The following ADAMTSL1 variants were observed in gnomAD, a reference collection of about 807,000 sequenced individuals.
The protein encoded by ADAMTSL1 is ADAMTS-like protein 1.
Under a neutral mutation model 201.8 loss-of-function variants are expected in ADAMTSL1, and 126 were observed. The observed-to-expected ratio is 0.62, with a 90% CI of 0.54 to 0.72. The LOEUF (loss-of-function observed/expected upper bound fraction) is 0.72. ADAMTSL1 is among the 30% of genes least tolerant of loss of function. ADAMTSL1 has a pLI of 0.00. For missense variants in ADAMTSL1, 2,679 were observed against 2,277.8 expected (o/e 1.18, Z -3.59); for synonymous variants, 1,121 against 903.4 (o/e 1.24, Z -4.32).
intron 7 of ADAMTSL1, among the ~76,000 whole-genome samples, chr9:18,656,345 G>A (rs1241824550): frequency 9.2e-5 from 14 of 151,908 alleles, no homozygotes; most frequent in Non-Finnish European, 1.6e-4. Flanking sequence ...AAAATGGTAA[G>A]ACTTGGCCAG....
chr9:18,353,680 C>T (rs1246734230), intron 2 of ADAMTSL1, among the ~76,000 whole-genome samples: 1 of 152,154 alleles, frequency 6.6e-6, no homozygotes, highest in Non-Finnish European at 1.5e-5. Context: ...CATAAAATTT[C>T]TATATTGCTC....
intron 3 of ADAMTSL1, among the ~76,000 whole-genome samples, chr9:18,538,810 T>C (rs544425357): frequency 7.9e-4 from 121 of 152,300 alleles, no homozygotes; most frequent in African/African-American, 2.8e-3. Context: ...CCTTTGTATA[T>C]CACAAAGTCA....
chr9:18,653,339 C>G (rs919465106), intron 7 of ADAMTSL1, among the ~76,000 whole-genome samples: 1 of 152,218 alleles, frequency 6.6e-6, no homozygotes, highest in African/African-American at 2.4e-5. Flanking sequence ...AGGCTACAGT[C>G]TGCTTTGCCA....
At chr9:18,070,208 G>C (rs1330658339) in intron 1 of ADAMTSL1, among the ~76,000 whole-genome samples, 1 of 152,208 alleles carries the variant, frequency 6.6e-6, no homozygotes, top group Non-Finnish European at 1.5e-5. Context: ...GGACTGGATA[G>C]GAGAGCACCG....
chr9:18,167,185 G>A (rs1372783174), intron 2 of ADAMTSL1, among the ~76,000 whole-genome samples: 2 of 152,068 alleles, frequency 1.3e-5, no homozygotes, highest in East Asian at 1.9e-4. Context: ...GATTTTGATT[G>A]TAAGCTGGAT....
intron 20 of ADAMTSL1, among the ~76,000 whole-genome samples, chr9:18,804,482 G>C (rs1306965336): frequency 6.6e-6 from 1 of 152,122 alleles, no homozygotes; most frequent in Non-Finnish European, 1.5e-5. Flanking sequence ...AGGAAAACTA[G>C]ACTAAGAAAA....
intron 7 of ADAMTSL1, among the ~76,000 whole-genome samples, chr9:18,652,138 G>A (rs188559883): frequency 6.6e-6 from 1 of 151,972 alleles, no homozygotes; most frequent in Non-Finnish European, 1.5e-5. Context: ...GAAAGCCTTT[G>A]TGGTGGGTGG....
At chr9:18,511,855 C>G (rs1262374651) in intron 2 of ADAMTSL1, among the ~76,000 whole-genome samples, 1 of 151,984 alleles carries the variant, frequency 6.6e-6, no homozygotes, top group East Asian at 1.9e-4. Context: ...TTGTTTTTTT[C>G]TCTAAAAGAC....
chr9:18,169,392 C>T (rs1451248334), intron 2 of ADAMTSL1, among the ~76,000 whole-genome samples: 1 of 152,008 alleles, frequency 6.6e-6, no homozygotes, highest in Non-Finnish European at 1.5e-5. Context: ...AATCCTTTCC[C>T]CATTTCTTGT....
chr9:17,921,364 T>C (rs1189516429), intron 1 of ADAMTSL1, among the ~76,000 whole-genome samples: 1 of 152,152 alleles, frequency 6.6e-6, no homozygotes. Flanking sequence ...ACAATTCTGC[T>C]AAGTCAGTTA....
intron 9 of ADAMTSL1, among the ~76,000 whole-genome samples, chr9:18,667,361 A>G (rs959647175): frequency 3.9e-5 from 6 of 152,100 alleles, no homozygotes; most frequent in Non-Finnish European, 7.4e-5. Context: ...TGTAGTAGGC[A>G]TGTAAAAATA....
Position 17,945,710 on chromosome 9 carries a change from G to A in ADAMTSL1, c.87+38788G>A, listed in dbSNP as rs371657349. Among the ~76,000 whole-genome samples the A allele has an allele frequency of 1.1e-4, 16 of 151,150 alleles. No homozygotes were observed. In the East Asian group the frequency reaches 1.6e-3, roughly 15 times the overall value. On this transcript the variant is annotated intron_variant, in intron 1 of 29. Transcript: ENST00000680146. ...AAATCATCATTCTCAGTAAACTATC[G>A]CAAGAACAAAAAACCAAACACCGCA...
In ADAMTSL1 at chr9:18,794,404, C is replaced by CAA. The variant is rs758582204; in HGVS notation, c.3678-982_3678-981dup. 3.0e-3 allele frequency among the ~76,000 whole-genome samples: 282 copies of CAA among 94,196 alleles called. No individual in the cohort carries two copies. In the Middle Eastern group the frequency reaches 0.031, roughly 10 times the overall value. The allele number at this position is 94,196 out of a possible 152,430, so 61.8% of individuals were successfully genotyped here. ...TGGGTGACAGAGCAAGACCCTGTCT[C>CAA]AAAAAAAAAAAACAAAAACAAAAAC... On this transcript the variant is annotated intron_variant, in intron 19 of 28. Coordinates refer to ENST00000380548, the MANE Select transcript of ADAMTSL1 (RefSeq NM_001040272.6).
At chr9:18,907,007 G>T in intron 28 of ADAMTSL1, 95 bp downstream of exon 28, 1 of 1,415,302 alleles carries the variant, frequency 7.1e-7, no homozygotes, top group East Asian at 2.3e-5. Flanking sequence ...ATAGGGCATG[G>T]GGTCAGCTTC....
At chr9:18,517,458 T>G (rs1393982468) in intron 2 of ADAMTSL1, among the ~76,000 whole-genome samples, 4 of 152,118 alleles carry the variant, frequency 2.6e-5, no homozygotes, top group Non-Finnish European at 5.9e-5. Flanking sequence ...AGGATACATG[T>G]GCACATTGTG....
chr9:18,084,628 G>T (rs1409902193), intron 1 of ADAMTSL1, among the ~76,000 whole-genome samples: 2 of 151,892 alleles, frequency 1.3e-5, no homozygotes, highest in South Asian at 2.1e-4. Flanking sequence ...GAAGAAAATC[G>T]ATCAGTTACA....
intron 2 of ADAMTSL1, among the ~76,000 whole-genome samples, chr9:18,247,587 GTATTT>G (rs1238743847): frequency 2.6e-5 from 4 of 152,150 alleles, no homozygotes; most frequent in Non-Finnish European, 4.4e-5. Flanking sequence ...AATGATGGTT[GTATTT>G]TATTTTATTT....
intron 7 of ADAMTSL1, among the ~76,000 whole-genome samples, chr9:18,645,622 C>A (rs1329449057): frequency 1.4e-4 from 22 of 151,832 alleles, no homozygotes; most frequent in African/African-American, 5.3e-4. Context: ...GCCAGTTTTC[C>A]CAGCACCATT....
chr9:18,248,327 T>G (rs1253628584), intron 2 of ADAMTSL1, among the ~76,000 whole-genome samples: 2 of 152,178 alleles, frequency 1.3e-5, no homozygotes, highest in Non-Finnish European at 2.9e-5. Context: ...GATGCTGGAC[T>G]GTGGATTACG....
Sources: allele counts gnomAD v4.1 joint callset (sites outside exome capture counted in the v4.1 genomes callset), GRCh38; gene constraint gnomAD v4.1.1; transcripts MANE v1.5; gene names NCBI Gene and HGNC (gene_info 2026-07-23, HGNC 2026-07-21).